Variants in TEK observed in about 807,000 individuals in gnomAD.
TEK encodes TEK receptor tyrosine kinase, also known as angiopoietin-1 receptor.
A neutral mutation model predicts 131.8 loss-of-function variants in TEK; 43 were observed. The observed-to-expected ratio is 0.33, with a 90% CI of 0.26 to 0.42. The LOEUF (loss-of-function observed/expected upper bound fraction) is 0.42, where lower values mean the gene tolerates loss of function less well. TEK is among the 10% of genes least tolerant of loss of function. The pLI, the probability that TEK is intolerant of heterozygous loss-of-function variation, is 1.00. For synonymous variants in TEK, 580 were observed against 491.6 expected (o/e 1.18, Z -2.38); for missense variants, 1,162 against 1,384.4 (o/e 0.84, Z 2.55).
chr9:27,137,581 T>C (rs1382523616), intron 1 of TEK, among the ~76,000 whole-genome samples: 3 of 152,176 alleles, frequency 2.0e-5, no homozygotes, highest in Non-Finnish European at 2.9e-5. Context: ...AGTTCAACTT[T>C]AGGAATTTAT....
At chr9:27,220,214 C>T (rs1826007659) in intron 21 of TEK, 69 bp downstream of exon 21, 1 of 1,511,138 alleles carries the variant, frequency 6.6e-7, no homozygotes, top group African/African-American at 1.4e-5. Context: ...GGCCAGCTGA[C>T]TCTAGCAAAG....
chr9:27,142,383 A>G (rs537664538), intron 1 of TEK, among the ~76,000 whole-genome samples: 2 of 152,320 alleles, frequency 1.3e-5, no homozygotes, highest in South Asian at 2.1e-4. Flanking sequence ...CATAACATGC[A>G]TTTATTATTG....
At chr9:27,111,242 G>C (rs1272632493) in intron 1 of TEK, among the ~76,000 whole-genome samples, 4 of 150 alleles carry the variant, frequency 0.027, no homozygotes, top group East Asian at 0.17. Flanking sequence ...AGAGGAAGTA[G>C]GTTCATGTTC....
intron 22 of TEK, 23 bp downstream of exon 22, chr9:27,228,328 A>G: frequency 6.4e-7 from 1 of 1,574,174 alleles, no homozygotes; most frequent in Non-Finnish European, 8.7e-7. Context: ...GTCAGGCAGG[A>G]GATCTTTAAT....
At chr9:27,129,201 G>T (rs1822114776) in intron 1 of TEK, among the ~76,000 whole-genome samples, 1 of 152,110 alleles carries the variant, frequency 6.6e-6, no homozygotes, top group African/African-American at 2.4e-5. Context: ...GTTGAATTTT[G>T]TCGGAGGACT....
rs1375804267 is a variant in TEK, at chr9:27,173,286, G to A, written c.825G>A (p.Lys275=). The A allele has an allele frequency of 6.2e-7, 1 of 1,614,116 alleles. No homozygotes were observed. Among genetic ancestry groups the A allele is most frequent in the Admixed American group, 1.7e-5 (1 of 60,024 alleles). ...GGTGCAGTGGACAAGAGGGATGCAAGTCTTATGTGTTCTGTCTCCCTGACC... is the reference window on the plus strand; with the variant it reads ...GGTGCAGTGGACAAGAGGGATGCAAATCTTATGTGTTCTGTCTCCCTGACC... ...KERCSGQEGC[K]SYVFCLPDPY... is the part of the protein sequence containing the mutation. The change falls in exon 6 of 23, where the codon AAG becomes AAA. Residue 275 remains lysine, a synonymous_variant. Coordinates refer to ENST00000380036, the MANE Select transcript of TEK (RefSeq NM_000459.5).
rs549110717 is a variant in TEK, at chr9:27,191,767, T to C, written c.1490-722T>C. Among the ~76,000 whole-genome samples, 7 of 152,322 alleles carry C rather than the reference T, an allele frequency of 4.6e-5. No individual in the cohort carries two copies. The South Asian group carries it at 1.5e-3, about 32-fold the overall frequency. On this transcript the variant is annotated intron_variant, in intron 10 of 22. Coordinates refer to ENST00000380036, the MANE Select transcript of TEK (RefSeq NM_000459.5). ...GCTGAATTGCTGTTTCCAACATCAA[T>C]GGCTAGGTCTTTTGCTGTCATATGG...
chr9:27,204,866 C>G (rs763483386), intron 13 of TEK, 45 bp from the exon 14 acceptor site: 2 of 1,611,898 alleles, frequency 1.2e-6, no homozygotes, highest in Non-Finnish European at 1.7e-6. Flanking sequence ...GTCTGTTTCT[C>G]TATGTAAACT....
At chr9:27,224,701 C>A (rs1240457842) in intron 21 of TEK, among the ~76,000 whole-genome samples, 1 of 152,154 alleles carries the variant, frequency 6.6e-6, no homozygotes, top group Non-Finnish European at 1.5e-5. Flanking sequence ...CGGCATAAGA[C>A]AAGGATGCCC....
intron 1 of TEK, among the ~76,000 whole-genome samples, chr9:27,136,287 G>C (rs573633649): frequency 6.6e-6 from 1 of 152,120 alleles, no homozygotes; most frequent in African/African-American, 2.4e-5. Flanking sequence ...TCACCATGTT[G>C]CCCAGGCTGG....
intron 19 of TEK, among the ~76,000 whole-genome samples, chr9:27,218,134 G>GT (rs1564106251): frequency 1.1e-4 from 16 of 149,550 alleles, no homozygotes; most frequent in African/African-American, 4.0e-4. Flanking sequence ...AGACAGTGGC[G>GT]GGGGTCGTCT....
chr9:27,157,043 G>C (rs1047072364), intron 1 of TEK, among the ~76,000 whole-genome samples: 1 of 152,234 alleles, frequency 6.6e-6, no homozygotes, highest in South Asian at 2.1e-4. Flanking sequence ...AACATGAGAG[G>C]ATTTTCTTTT....
Position 27,216,051 on chromosome 9 carries a change from G to T in TEK, c.2992-1637G>T, listed in dbSNP as rs376536828. Among the ~76,000 whole-genome samples, 18 of 152,310 alleles carry T rather than the reference G, an allele frequency of 1.2e-4. No homozygotes were observed. In the East Asian group the frequency reaches 2.1e-3, roughly 18 times the overall value. ...TTTAAGTAATTCACTATGGCTGGGG[G>T]TGTATTGCAGAGAGGAAGGGAGAGT... is the stretch of plus-strand genomic sequence containing the variant. On this transcript the variant is annotated intron_variant, in intron 18 of 22. Transcript: ENST00000380036.
Position 27,202,977 on chromosome 9 carries a change from A to G in TEK, c.2067A>G (p.Ile689Met), listed in dbSNP as rs769669218. The change falls in exon 13 of 23, where the codon ATA (isoleucine) becomes ATG (methionine). Residue 689 changes from isoleucine (I) to methionine (M), a missense_variant. Coordinates refer to ENST00000380036, the MANE Select transcript of TEK (RefSeq NM_000459.5). Reference protein sequence around the residue: ...KNEDQHVDVKIKNATITQYQL... With the variant: ...KNEDQHVDVKMKNATITQYQL... ...AAGACCAGCACGTTGATGTGAAGAT[A>G]AAGAATGCCACCATCACTCAGTATC... The G allele has an allele frequency of 4.3e-6, 7 of 1,614,128 alleles. No homozygotes were observed. The highest frequency in any genetic ancestry group is 5.9e-6 in the Non-Finnish European group (7 of 1,179,996).
intron 4 of TEK, among the ~76,000 whole-genome samples, chr9:27,172,102 AC>A (rs1823980336): frequency 6.6e-6 from 1 of 152,200 alleles, no homozygotes; most frequent in Non-Finnish European, 1.5e-5. Flanking sequence ...TTACTACGCC[AC>A]TTCTAGAATT....
At chr9:27,180,701 G>C (rs892605275) in intron 7 of TEK, among the ~76,000 whole-genome samples, 1 of 152,154 alleles carries the variant, frequency 6.6e-6, no homozygotes, top group Non-Finnish European at 1.5e-5. Context: ...CAGAGAAAGA[G>C]CAATTTGGGA....
At chr9:27,208,656 A>T (rs1402279701) in intron 15 of TEK, among the ~76,000 whole-genome samples, 1 of 152,208 alleles carries the variant, frequency 6.6e-6, no homozygotes, top group African/African-American at 2.4e-5. Context: ...TGTTTCATGG[A>T]AACTTTGGTT....
In TEK at chr9:27,192,541, A is replaced by T; in HGVS notation, c.1542A>T (p.Glu514Asp). Residue 514 changes from glutamate (E) to aspartate (D), a missense_variant, in exon 11 of 23, where the codon GAA becomes GAT. Transcript: ENST00000380036. ...ATTTGGAACCTCGGACAGAATATGA[A>T]CTCTGTGTGCAACTGGTCCGTCGTG... ...LNYLEPRTEY[E>D]LCVQLVRRGE... The T allele has an allele frequency of 6.2e-7, 1 of 1,613,874 alleles. No individual in the cohort carries two copies. The highest frequency in any genetic ancestry group is 1.1e-5 in the South Asian group (1 of 91,068).
At chr9:27,182,247 G>A (rs1179440597) in intron 7 of TEK, among the ~76,000 whole-genome samples, 2 of 152,148 alleles carry the variant, frequency 1.3e-5, no homozygotes, top group Non-Finnish European at 2.9e-5. Flanking sequence ...GGCTTTCAGA[G>A]AGTAGCTCCC....
Sources: allele counts gnomAD v4.1 joint callset (sites outside exome capture counted in the v4.1 genomes callset), GRCh38; gene constraint gnomAD v4.1.1; transcripts MANE v1.5; gene names NCBI Gene and HGNC (gene_info 2026-07-23, HGNC 2026-07-21).